Variants in CA5A observed in about 807,000 individuals in gnomAD.
CA5A encodes the protein carbonic anhydrase 5A.
Under a neutral mutation model 37.1 loss-of-function variants are expected in CA5A, and 28 were observed. The ratio of observed to expected loss-of-function variants is 0.75; its 90% CI spans 0.56 to 1.03. The LOEUF (loss-of-function observed/expected upper bound fraction) is 1.03, where lower values mean the gene tolerates loss of function less well. Ranked by LOEUF, CA5A falls within the 50% of genes least tolerant of loss-of-function variation. The probability of loss-of-function intolerance (pLI) is 0.00; values close to 1 mark genes in which losing one functional copy is unlikely to be tolerated. For missense variants in CA5A, 444 were observed against 399.9 expected, an observed-to-expected ratio of 1.11 and a Z score of -0.94; for synonymous variants, 171 against 158.4, an observed-to-expected ratio of 1.08 and a Z score of -0.60.
intron 1 of CA5A, among the ~76,000 whole-genome samples, chr16:87,929,446 G>A (rs1247774041): frequency 5.9e-5 from 8 of 135,008 alleles, no homozygotes; most frequent in South Asian, 2.4e-4. Context: ...GAGCAAATTC[G>A]GTCTCAAAAA....
At chr16:87,903,933 T>C (rs552604512) in intron 3 of CA5A, among the ~76,000 whole-genome samples, 8 of 152,246 alleles carry the variant, frequency 5.3e-5, no homozygotes, top group Admixed American at 3.3e-4. Flanking sequence ...TTTGGGGAAA[T>C]CTATAAGGCA....
chr16:87,927,124 C>A (rs2056324800), intron 1 of CA5A, among the ~76,000 whole-genome samples, 179 bp from the exon 2 acceptor site: 1 of 152,272 alleles, frequency 6.6e-6, no homozygotes. Flanking sequence ...AGGGTACTCG[C>A]CTGCTCCTCT....
At chr16:87,893,147 T>TTTC in intron 5 of CA5A, 14 of 397,004 alleles carry the variant, frequency 3.5e-5, no homozygotes, top group South Asian at 1.8e-4. Context: ...TCTTTCTTTC[T>TTTC]TTTTTTTTTC....
In CA5A at chr16:87,928,756, CTTTGTTTTT is replaced by C. The variant is rs1567537816; in HGVS notation, c.143-1820_143-1812del. Among the ~76,000 whole-genome samples the C allele has an allele frequency of 3.9e-3, 424 of 108,102 alleles. 7 individuals carry two copies. Among genetic ancestry groups the C allele is most frequent in the East Asian group, 8.4e-3 (31 of 3,698 alleles). 70.9% of individuals were successfully genotyped at this position (108,102 alleles called of 152,430 possible). A position where few individuals can be genotyped will look rare whatever the true frequency, so the allele number is the denominator to read the frequency against. ...ATTCTCATCTGGATTATTTTCTTTT[CTTTGTTTTT>C]TTTTTTTTTTTTTTTTTTTTTGAGA... is the stretch of plus-strand genomic sequence containing the variant. On this transcript the variant is annotated intron_variant, in intron 1 of 6. Transcript: ENST00000649794.
At chr16:87,897,510 G>A (rs1184012863) in intron 5 of CA5A, among the ~76,000 whole-genome samples, 1 of 152,032 alleles carries the variant, frequency 6.6e-6, no homozygotes, top group African/African-American at 2.4e-5. Flanking sequence ...CAGATGGGAT[G>A]GTGCTGGGGG....
intron 5 of CA5A, among the ~76,000 whole-genome samples, chr16:87,894,700 G>A (rs189785236): frequency 1.3e-5 from 2 of 152,004 alleles, no homozygotes; most frequent in East Asian, 1.9e-4. Flanking sequence ...CCAACATGGC[G>A]AAACCCCATC....
chr16:87,899,247 G>T (rs1417992415), intron 5 of CA5A, among the ~76,000 whole-genome samples: 4 of 148,444 alleles, frequency 2.7e-5, no homozygotes, highest in African/African-American at 9.9e-5. Flanking sequence ...CCTGGCCCAT[G>T]AAGCACAGAC....
intron 1 of CA5A, among the ~76,000 whole-genome samples, chr16:87,931,833 C>T (rs74041849): frequency 1.9e-3 from 292 of 152,338 alleles, no homozygotes; most frequent in African/African-American, 6.6e-3. Context: ...ACTATGGACG[C>T]GGGAGCCGGC....
At position 87,902,952 on chromosome 16, in the gene CA5A, G is replaced by A. The variant is rs1431500218; in HGVS notation, c.460-432C>T. On this transcript the variant is annotated intron_variant, in intron 3 of 6. Coordinates refer to ENST00000649794, the MANE Select transcript of CA5A (RefSeq NM_001739.2). The stretch of plus-strand genomic sequence containing the variant: ...AAGAACTAAGTTGTTGCAGCCAGAT[G>A]AGTAAGATCCCAGCACCAGCAGCAC... Among the ~76,000 whole-genome samples, 25 of 151,494 alleles carry A rather than the reference G, an allele frequency of 1.7e-4. 1 individual carries two copies. The East Asian group carries it at 4.7e-3, about 28-fold the overall frequency.
At chr16:87,893,221 G>C (rs2055750950) in intron 5 of CA5A, 1 of 406,582 alleles carries the variant, frequency 2.5e-6, no homozygotes, top group Non-Finnish European at 4.4e-6. Flanking sequence ...TCTGCTTCCT[G>C]GGTTCCAGCG....
chr16:87,936,248 A>C, intron 1 of CA5A, 61 bp downstream of exon 1: 1 of 1,211,556 alleles, frequency 8.3e-7, no homozygotes, highest in African/African-American at 1.5e-5. Flanking sequence ...TCCTCTCGAA[A>C]GACCCCATCA....
At chr16:87,921,850 G>T (rs1453991389) in intron 2 of CA5A, among the ~76,000 whole-genome samples, 2 of 146,698 alleles carry the variant, frequency 1.4e-5, no homozygotes, top group African/African-American at 5.2e-5. Context: ...GTGTTCCTTT[G>T]TGTGTTATTG....
intron 2 of CA5A, among the ~76,000 whole-genome samples, chr16:87,916,279 G>T (rs1347046430): frequency 6.6e-6 from 1 of 152,118 alleles, no homozygotes; most frequent in Non-Finnish European, 1.5e-5. Flanking sequence ...TTGGGAGTTC[G>T]AGACCAGCCT....
intron 2 of CA5A, 50 bp downstream of exon 2, chr16:87,926,698 G>T: frequency 6.8e-7 from 1 of 1,463,976 alleles, no homozygotes; most frequent in Non-Finnish European, 9.5e-7. Context: ...TGACCCTGCT[G>T]CCAGAACAAC....
intron 6 of CA5A, among the ~76,000 whole-genome samples, chr16:87,889,934 T>A (rs996047266): frequency 7.2e-5 from 11 of 152,270 alleles, no homozygotes; most frequent in African/African-American, 2.7e-4. Context: ...CAGTTAGCCC[T>A]GCGTGATGAT....
rs557145367 is a variant in CA5A, at chr16:87,902,534, G to A, written c.460-14C>T. ...AACTAAATGCAGCTGAAACACAATG[G>A]AAAGAGAACTTAAATTGATCAGCAA... On this transcript the variant is annotated splice_polypyrimidine_tract_variant and intron_variant, in intron 3 of 6. Transcript: ENST00000649794. The A allele has an allele frequency of 6.8e-6, 9 of 1,325,980 alleles. No individual in the cohort carries two copies. The highest frequency in any genetic ancestry group is 8.7e-6 in the Non-Finnish European group (8 of 917,148). 82.1% of individuals were successfully genotyped at this position (1,325,980 alleles called of 1,614,324 possible).
chr16:87,895,676 A>G (rs1447129591), intron 5 of CA5A, among the ~76,000 whole-genome samples: 2 of 152,120 alleles, frequency 1.3e-5, no homozygotes, highest in Non-Finnish European at 2.9e-5. Flanking sequence ...TCAAGGGGGA[A>G]GCTTGGTACT....
chr16:87,924,549 C>T (rs530602454), intron 2 of CA5A, among the ~76,000 whole-genome samples: 2 of 152,326 alleles, frequency 1.3e-5, no homozygotes, highest in Admixed American at 6.5e-5. Context: ...CGCACTCATC[C>T]GTGGGCACCG....
intron 2 of CA5A, among the ~76,000 whole-genome samples, chr16:87,915,530 T>TTTC (rs2056125892): frequency 9.2e-6 from 1 of 109,136 alleles, no homozygotes; most frequent in Non-Finnish European, 1.8e-5. Flanking sequence ...GTCAAAATTT[T>TTTC]TTTTTTTTTT....
Sources: allele counts gnomAD v4.1 joint callset (sites outside exome capture counted in the v4.1 genomes callset), GRCh38; gene constraint gnomAD v4.1.1; transcripts MANE v1.5; gene names NCBI Gene and HGNC (gene_info 2026-07-23, HGNC 2026-07-21).